RMDN1: variants seen among roughly 807,000 people sequenced by gnomAD.
The protein encoded by RMDN1 is regulator of microtubule dynamics 1.
RMDN1 carries 48 observed loss-of-function variants against 48.9 expected under a neutral mutation model. The observed-to-expected ratio is 0.98, with a 90% CI of 0.78 to 1.25. The LOEUF (loss-of-function observed/expected upper bound fraction) is 1.25, where lower values mean the gene tolerates loss of function less well. Among genes scored for constraint, RMDN1 ranks in the 50% most tolerant of loss-of-function variants. The pLI, the probability that RMDN1 is intolerant of heterozygous loss-of-function variation, is 0.00. For synonymous variants in RMDN1, 148 were observed against 132.6 expected (o/e 1.12, Z -0.80); for missense variants, 418 against 373.4 (o/e 1.12, Z -0.98).
At chr8:86,491,329 T>A (rs1816461366) in intron 2 of RMDN1, among the ~76,000 whole-genome samples, 1 of 151,934 alleles carries the variant, frequency 6.6e-6, no homozygotes, top group Admixed American at 6.6e-5. Flanking sequence ...AGAGACAGGG[T>A]TTCACCATGT....
intron 2 of RMDN1, among the ~76,000 whole-genome samples, chr8:86,502,163 A>C (rs1365044188): frequency 6.6e-6 from 1 of 152,192 alleles, no homozygotes; most frequent in Non-Finnish European, 1.5e-5. Flanking sequence ...TTCACTCATT[A>C]ATTTCTTCAT....
At chr8:86,470,346 G>C, downstream of RMDN1, 1 of 1,289,312 alleles carries the variant, frequency 7.8e-7, no homozygotes, top group Non-Finnish European at 1.0e-6. Context: ...TTTGTTCTCA[G>C]TAATGGGTCT....
chr8:86,481,508 A>G (rs1277584348), intron 5 of RMDN1, among the ~76,000 whole-genome samples: 1 of 151,408 alleles, frequency 6.6e-6, no homozygotes, highest in Non-Finnish European at 1.5e-5. Context: ...ATAGGAAGGA[A>G]GTTAATTCAT....
chr8:86,490,567 A>T (rs368960072), intron 2 of RMDN1, among the ~76,000 whole-genome samples: 51 of 152,128 alleles, frequency 3.4e-4, no homozygotes, highest in Non-Finnish European at 6.5e-4. Flanking sequence ...AGCTCTCCCA[A>T]TGCTGATTTT....
At chr8:86,471,785 G>A (rs1241649876), downstream of RMDN1, among the ~76,000 whole-genome samples, 1 of 152,216 alleles carries the variant, frequency 6.6e-6, no homozygotes, top group Admixed American at 6.5e-5. Context: ...CTGGAAATAA[G>A]TTGGAACAGC....
At chr8:86,503,998 T>A (rs1224943377) in intron 2 of RMDN1, 6 of 776,706 alleles carry the variant, frequency 7.7e-6, no homozygotes, top group Non-Finnish European at 2.4e-6. Flanking sequence ...TATGCCCATG[T>A]ACATTGGAGA....
Position 86,508,539 on chromosome 8 carries a change from A to T in RMDN1, c.82T>A (p.Ser28Thr). ...APGSRLPAGT[S>T]GSRGHCGPCR... ...GGGCCGCAATGCCCGCGGCTGCCCG[A>T]AGTCCCCGCAGGGAGACGAGACCCC... The change falls in exon 1 of 10, where the codon TCG (serine) becomes ACG (threonine). Residue 28 changes from serine to threonine, a missense_variant. Coordinates refer to ENST00000406452, the MANE Select transcript of RMDN1 (RefSeq NM_016033.3). 1 of 1,583,536 alleles carries T rather than the reference A, an allele frequency of 6.3e-7. No homozygotes were observed.
chr8:86,498,237 G>A (rs1563643665), intron 2 of RMDN1, among the ~76,000 whole-genome samples: 1 of 149,984 alleles, frequency 6.7e-6, no homozygotes, highest in South Asian at 2.1e-4. Context: ...CCAATAACAA[G>A]TTCGAAAATT....
intron 2 of RMDN1, among the ~76,000 whole-genome samples, chr8:86,501,105 A>ACTAC (rs1818140996): frequency 6.6e-6 from 1 of 152,172 alleles, no homozygotes; most frequent in Admixed American, 6.5e-5. Flanking sequence ...TACAATGCTC[A>ACTAC]CTACCTGGGT....
intron 8 of RMDN1, chr8:86,475,158 G>A (rs1157378031): frequency 2.1e-6 from 1 of 484,764 alleles, no homozygotes; most frequent in Non-Finnish European, 3.6e-6. Context: ...CTACAAATGT[G>A]CTAGGCACTG....
At position 86,477,194 on chromosome 8, in the gene RMDN1, T is replaced by C. The variant is rs557812943; in HGVS notation, c.760+100A>G. 12 of 806,196 alleles carry C rather than the reference T, an allele frequency of 1.5e-5. No individual in the cohort carries two copies. The Admixed American group carries it at 1.6e-4, about 11-fold the overall frequency. The allele number at this position is 806,196 out of a possible 1,614,324, so 49.9% of individuals were successfully genotyped here. On this transcript the variant is annotated intron_variant, in intron 8 of 9. Coordinates refer to ENST00000406452, the MANE Select transcript of RMDN1 (RefSeq NM_016033.3). Reference sequence around the variant, plus strand: ...ACAGTATCTAGCACAAAAATAAGTATAACAGAATAAACAACTGCTTTAGAC... The same window carrying C: ...ACAGTATCTAGCACAAAAATAAGTACAACAGAATAAACAACTGCTTTAGAC...
chr8:86,501,462 TAGG>T (rs778082374), intron 2 of RMDN1, among the ~76,000 whole-genome samples: 4 of 152,048 alleles, frequency 2.6e-5, no homozygotes, highest in Admixed American at 6.6e-5. Context: ...TGCTTGAGCC[TAGG>T]AGTTCAAGAC....
upstream of RMDN1, among the ~76,000 whole-genome samples, chr8:86,511,301 C>A (rs1034670276): frequency 6.6e-6 from 1 of 151,378 alleles, no homozygotes. Context: ...AGTGAAACCC[C>A]GTCTCTACTA....
intron 2 of RMDN1, chr8:86,504,656 T>G (rs1478714565): frequency 1.1e-6 from 1 of 877,522 alleles, no homozygotes; most frequent in Non-Finnish European, 2.0e-6. Flanking sequence ...AGGATGAGTA[T>G]AATGGGATGA....
downstream of RMDN1, chr8:86,468,302 G>T (rs968442766): frequency 7.1e-6 from 3 of 421,456 alleles, no homozygotes; most frequent in Admixed American, 6.1e-5. Flanking sequence ...TCTACATATT[G>T]AGAGTGTGTT....
chr8:86,486,224 C>A (rs1222219132), intron 4 of RMDN1, among the ~76,000 whole-genome samples: 1 of 152,008 alleles, frequency 6.6e-6, no homozygotes, highest in Non-Finnish European at 1.5e-5. Context: ...TAAGCATTCA[C>A]AAAAGTAATT....
chr8:86,490,968 G>C (rs940955267), intron 2 of RMDN1, among the ~76,000 whole-genome samples: 1 of 151,448 alleles, frequency 6.6e-6, no homozygotes, highest in Middle Eastern at 3.2e-3. Flanking sequence ...GACCAGCTTG[G>C]GCAAGATGGC....
intron 8 of RMDN1, among the ~76,000 whole-genome samples, chr8:86,477,013 C>G (rs149391773): frequency 1.8e-3 from 273 of 152,220 alleles, no homozygotes; most frequent in Middle Eastern, 3.4e-3. Flanking sequence ...TATGTGCAGT[C>G]TTGAATAAGA....
intron 6 of RMDN1, 75 bp downstream of exon 6, chr8:86,480,202 G>T: frequency 1.4e-6 from 1 of 703,692 alleles, no homozygotes; most frequent in Non-Finnish European, 2.3e-6. Flanking sequence ...TTTTATATAT[G>T]CAAAAGAAGA....
Sources: gnomAD v4.1 joint callset for allele counts (sites outside exome capture counted in the v4.1 genomes callset) on GRCh38, gnomAD v4.1.1 for gene constraint, MANE v1.5 for transcripts, NCBI Gene and HGNC (gene_info 2026-07-23, HGNC 2026-07-21) for gene names.